CBLC: variants seen among roughly 807,000 people sequenced by gnomAD.
The protein encoded by CBLC is E3 ubiquitin-protein ligase CBL-C.
A neutral mutation model predicts 58.6 loss-of-function variants in CBLC; 46 were observed. That is an observed-to-expected ratio of 0.79 (90% CI 0.62 to 1.00). The LOEUF (loss-of-function observed/expected upper bound fraction) is 1.00, where lower values mean the gene tolerates loss of function less well. CBLC is among the 50% of genes least tolerant of loss of function. The probability of loss-of-function intolerance (pLI) is 0.00; values close to 1 mark genes in which losing one functional copy is unlikely to be tolerated. For missense variants in CBLC, 655 were observed against 625.8 expected (o/e 1.05, Z -0.50); for synonymous variants, 271 against 264.2 (o/e 1.03, Z -0.25).
intron 2 of CBLC, 40 bp downstream of exon 2, chr19:44,781,091 T>C: frequency 6.3e-7 from 1 of 1,595,164 alleles, no homozygotes; most frequent in Non-Finnish European, 8.5e-7. Flanking sequence ...AGCCCCATCC[T>C]GCCCTGGCCC....
At chr19:44,797,919 T>C (rs560047560) in intron 9 of CBLC, among the ~76,000 whole-genome samples, 6 of 138,618 alleles carry the variant, frequency 4.3e-5, no homozygotes, top group Non-Finnish European at 9.1e-5. Flanking sequence ...TTTTAAATTT[T>C]TTGAGCAGTG....
chr19:44,782,824 C>G (rs1052707846), intron 4 of CBLC, among the ~76,000 whole-genome samples: 1 of 152,128 alleles, frequency 6.6e-6, no homozygotes, highest in Non-Finnish European at 1.5e-5. Context: ...GAATTTCCCA[C>G]CTGTTGGCAT....
intron 5 of CBLC, among the ~76,000 whole-genome samples, chr19:44,789,026 C>G (rs1358669576): frequency 2.0e-5 from 3 of 152,118 alleles, no homozygotes; most frequent in African/African-American, 7.2e-5. Context: ...TCCAATATTT[C>G]ATGTGCTATA....
chr19:44,791,682 A>T (rs1296280960), intron 6 of CBLC, among the ~76,000 whole-genome samples: 1 of 151,336 alleles, frequency 6.6e-6, no homozygotes, highest in African/African-American at 2.4e-5. Flanking sequence ...CAGTGAGCCA[A>T]GATCGCGCCA....
chr19:44,797,988 C>T (rs1009333833), intron 9 of CBLC, among the ~76,000 whole-genome samples: 13 of 152,208 alleles, frequency 8.5e-5, no homozygotes, highest in East Asian at 7.7e-4. Flanking sequence ...TCAGTGTCAC[C>T]GTGGTTGTGA....
chr19:44,794,142 C>T, intron 8 of CBLC, 62 bp from the exon 9 acceptor site: 1 of 1,560,818 alleles, frequency 6.4e-7, no homozygotes, highest in Non-Finnish European at 8.7e-7. Context: ...GGCAGGAGAA[C>T]ATGGAGGCGA....
At chr19:44,798,873 C>T (rs1291282241) in intron 9 of CBLC, among the ~76,000 whole-genome samples, 1 of 152,166 alleles carries the variant, frequency 6.6e-6, no homozygotes, top group Non-Finnish European at 1.5e-5. Context: ...TCCCCTACTC[C>T]ACCTCCTTTC....
intron 9 of CBLC, among the ~76,000 whole-genome samples, chr19:44,797,344 A>G (rs1968198966): frequency 6.6e-6 from 1 of 151,624 alleles, no homozygotes; most frequent in African/African-American, 2.4e-5. Context: ...TCCGCCTGCC[A>G]GGTTCAAGCG....
chr19:44,780,662 A>G (rs991724088), intron 1 of CBLC, among the ~76,000 whole-genome samples: 5 of 150,534 alleles, frequency 3.3e-5, no homozygotes, highest in Non-Finnish European at 5.9e-5. Flanking sequence ...CAGTACAGAC[A>G]GGGTTTCACC....
intron 9 of CBLC, 82 bp from the exon 10 acceptor site, chr19:44,800,299 G>C: frequency 2.9e-6 from 3 of 1,020,352 alleles, no homozygotes; most frequent in Non-Finnish European, 3.1e-6. Context: ...CCAGGTCTAA[G>C]ACAAAGGGGA....
intron 9 of CBLC, among the ~76,000 whole-genome samples, chr19:44,798,814 G>A (rs1007285167): frequency 3.3e-5 from 5 of 152,086 alleles, no homozygotes. Flanking sequence ...CCTCTCCGCC[G>A]CCCAAAGACC....
At chr19:44,795,559 G>A (rs1285494616) in intron 9 of CBLC, among the ~76,000 whole-genome samples, 2 of 151,844 alleles carry the variant, frequency 1.3e-5, no homozygotes, top group Admixed American at 1.3e-4. Flanking sequence ...AGCTGTTAGG[G>A]AGGCAGAGGC....
chr19:44,780,370 A>G (rs971785674), intron 1 of CBLC, among the ~76,000 whole-genome samples: 3 of 151,972 alleles, frequency 2.0e-5, no homozygotes, highest in African/African-American at 7.3e-5. Context: ...TCCTGACCTC[A>G]AGTGATCCAC....
rs1289276617 is a variant in CBLC at position 44,780,960 on chromosome 19, G to A, written c.409G>A (p.Ala137Thr). The A allele has an allele frequency of 3.7e-6, 6 of 1,613,336 alleles. No homozygotes were observed. In the African/African-American group the frequency reaches 4.0e-5, roughly 11 times the overall value. The change falls in exon 2 of 11, where the codon GCA becomes ACA. Residue 137 changes from alanine to threonine, a missense_variant. Physicochemically the swap from Ala to Thr is moderately conservative, Grantham distance 58. Coordinates refer to ENST00000647358, the MANE Select transcript of CBLC (RefSeq NM_012116.4). ...IFSHMHAELH[A>T]LFPGGKYCGH... ...CAGCCACATGCACGCAGAGCTGCAC[G>A]CACTCTTCCCCGGGGGAAAGTACTG...
intron 5 of CBLC, among the ~76,000 whole-genome samples, chr19:44,787,845 C>T (rs1967950496): frequency 6.6e-6 from 1 of 151,234 alleles, no homozygotes; most frequent in Non-Finnish European, 1.5e-5. Flanking sequence ...ATTTATTCGC[C>T]AAGCATGGTG....
intron 5 of CBLC, among the ~76,000 whole-genome samples, chr19:44,789,684 C>T (rs1458778240): frequency 6.6e-6 from 1 of 152,216 alleles, no homozygotes; most frequent in African/African-American, 2.4e-5. Flanking sequence ...AGCCACCACA[C>T]CTGCCCTAAG....
At chr19:44,792,980 C>G (rs1456772504) in intron 7 of CBLC, among the ~76,000 whole-genome samples, 1 of 151,700 alleles carries the variant, frequency 6.6e-6, no homozygotes, top group Non-Finnish European at 1.5e-5. Context: ...AAACCCGTGT[C>G]TACTAAAAAA....
chr19:44,778,427 T>G, intron 1 of CBLC, 143 bp downstream of exon 1: 1 of 498,232 alleles, frequency 2.0e-6, no homozygotes, highest in East Asian at 4.3e-5. Flanking sequence ...ACCTCCTCCC[T>G]CAGACTCAGG....
At chr19:44,800,485 C>T (rs752358314) in intron 10 of CBLC, 35 bp downstream of exon 10, 14 of 1,290,546 alleles carry the variant, frequency 1.1e-5, no homozygotes, top group African/African-American at 1.5e-5. Flanking sequence ...TGGCCCACTC[C>T]ACCCCACTCC....
Sources: gnomAD v4.1 joint callset for allele counts (sites outside exome capture counted in the v4.1 genomes callset) on GRCh38, gnomAD v4.1.1 for gene constraint, MANE v1.5 for transcripts, NCBI Gene and HGNC (gene_info 2026-07-23, HGNC 2026-07-21) for gene names.